The following AUTS2 variants were observed in gnomAD, a reference collection of about 807,000 sequenced individuals.
The protein encoded by AUTS2 is activator of transcription and developmental regulator AUTS2, also known as autism susceptibility gene 2 protein.
Under a neutral mutation model 112.4 loss-of-function variants are expected in AUTS2, and 17 were observed. That is an observed-to-expected ratio of 0.15 (90% CI 0.10 to 0.23). The LOEUF (loss-of-function observed/expected upper bound fraction) is 0.23. AUTS2 is among the 10% of genes least tolerant of loss of function. The probability of loss-of-function intolerance (pLI) is 1.00; values close to 1 mark genes in which losing one functional copy is unlikely to be tolerated. For synonymous variants in AUTS2, 751 were observed against 702.7 expected, an observed-to-expected ratio of 1.07 and a Z score of -1.09; for missense variants, 1,510 against 1,701.6, an observed-to-expected ratio of 0.89 and a Z score of 1.98.
intron 6 of AUTS2, among the ~76,000 whole-genome samples, chr7:70,762,320 A>G (rs1789612710): frequency 6.6e-6 from 1 of 152,154 alleles, no homozygotes; most frequent in East Asian, 1.9e-4. Context: ...TTTCTCATAC[A>G]GAGACAGAGT....
At chr7:70,624,936 G>T (rs968774200) in intron 5 of AUTS2, among the ~76,000 whole-genome samples, 1 of 152,112 alleles carries the variant, frequency 6.6e-6, no homozygotes, top group African/African-American at 2.4e-5. Flanking sequence ...ATTTTGTCCA[G>T]CAGGGAGGCG....
Position 70,515,805 on chromosome 7 carries a change from T to C in AUTS2, c.690+80024T>C, listed in dbSNP as rs2129493782. On this transcript the variant is annotated intron_variant, in intron 5 of 18. Transcript: ENST00000342771. ...ATGCAAATTGGTCTAGGTTACATTTTGAAAAATGTTAAGAGGAAACTGTTA... is the reference window on the plus strand; with the variant it reads ...ATGCAAATTGGTCTAGGTTACATTTCGAAAAATGTTAAGAGGAAACTGTTA... Among the ~76,000 whole-genome samples the C allele has an allele frequency of 2.6e-5, 4 of 152,330 alleles. 1 individual carries two copies. The Middle Eastern group carries it at 0.01, about 389-fold the overall frequency.
chr7:70,693,898 C>T (rs1360470683), intron 5 of AUTS2, among the ~76,000 whole-genome samples: 1 of 152,140 alleles, frequency 6.6e-6, no homozygotes, highest in South Asian at 2.1e-4. Flanking sequence ...CAACAGCTGT[C>T]GATGTCGCGC....
At chr7:70,472,465 C>T (rs1797428402) in intron 5 of AUTS2, among the ~76,000 whole-genome samples, 1 of 150,996 alleles carries the variant, frequency 6.6e-6, no homozygotes. Context: ...TACCCAGTTG[C>T]TGGGTAAAGG....
intron 2 of AUTS2, among the ~76,000 whole-genome samples, chr7:69,952,005 A>G (rs183891073): frequency 1.8e-4 from 28 of 152,298 alleles, no homozygotes; most frequent in Admixed American, 5.9e-4. Context: ...TACTCGATTT[A>G]CCTAAAGAGA....
chr7:70,729,121 C>A (rs1368350015), intron 6 of AUTS2: 11 of 455,772 alleles, frequency 2.4e-5, no homozygotes, highest in Admixed American at 2.1e-4. Context: ...GCGAAAACGA[C>A]GGCCACACCC....
At chr7:69,930,559 C>T (rs886687885) in intron 2 of AUTS2, among the ~76,000 whole-genome samples, 1 of 152,110 alleles carries the variant, frequency 6.6e-6, no homozygotes, top group Admixed American at 6.5e-5. Context: ...AACCATTGTT[C>T]ATATATTTTT....
chr7:70,617,318 A>G (rs1231296293), intron 5 of AUTS2, among the ~76,000 whole-genome samples: 1 of 152,176 alleles, frequency 6.6e-6, no homozygotes, highest in Non-Finnish European at 1.5e-5. Context: ...GTGGAGTCCA[A>G]CGGTTAGTGG....
intron 1 of AUTS2, among the ~76,000 whole-genome samples, chr7:69,850,660 A>G (rs1792437513): frequency 6.6e-6 from 1 of 152,130 alleles, no homozygotes; most frequent in Non-Finnish European, 1.5e-5. Context: ...CTTTGATGAA[A>G]TGTCTGTTCA....
intron 6 of AUTS2, among the ~76,000 whole-genome samples, chr7:70,730,953 A>G (rs183624548): frequency 5.3e-4 from 80 of 152,294 alleles, no homozygotes; most frequent in African/African-American, 1.8e-3. Flanking sequence ...GTGTGAAGTA[A>G]TATTTGATTG....
At chr7:70,377,348 A>T (rs1585075826) in intron 4 of AUTS2, among the ~76,000 whole-genome samples, 1 of 111,248 alleles carries the variant, frequency 9.0e-6, no homozygotes, top group Non-Finnish European at 1.9e-5. Flanking sequence ...ATATATATAT[A>T]TATATATATA....
intron 4 of AUTS2, among the ~76,000 whole-genome samples, chr7:70,265,108 A>C (rs1787353909): frequency 6.6e-6 from 1 of 152,222 alleles, no homozygotes; most frequent in Admixed American, 6.5e-5. Context: ...TATTGCTTTA[A>C]TCTGAGAAAA....
chr7:70,764,146 G>C (rs894578594), intron 7 of AUTS2, among the ~76,000 whole-genome samples: 1 of 152,056 alleles, frequency 6.6e-6, no homozygotes, highest in African/African-American at 2.4e-5. Flanking sequence ...TGGTGGTTCC[G>C]GGCCTTGCTT....
intron 4 of AUTS2, among the ~76,000 whole-genome samples, chr7:70,329,981 G>A (rs1790667139): frequency 6.6e-6 from 1 of 152,104 alleles, no homozygotes; most frequent in Non-Finnish European, 1.5e-5. Context: ...GCCAAACTCT[G>A]TGTGAAGCCT....
intron 5 of AUTS2, among the ~76,000 whole-genome samples, chr7:70,570,089 C>T (rs1801874003): frequency 6.6e-6 from 1 of 152,160 alleles, no homozygotes; most frequent in African/African-American, 2.4e-5. Context: ...TTAATCAGAA[C>T]GTGTCTGGAA....
chr7:69,760,503 A>G (rs993399221), intron 1 of AUTS2, among the ~76,000 whole-genome samples: 1 of 152,104 alleles, frequency 6.6e-6, no homozygotes, highest in African/African-American at 2.4e-5. Flanking sequence ...TAAATCCTAC[A>G]TACAAAGAGC....
At chr7:70,639,600 G>C (rs955075430) in intron 5 of AUTS2, among the ~76,000 whole-genome samples, 7 of 122,610 alleles carry the variant, frequency 5.7e-5, no homozygotes, top group Non-Finnish European at 9.7e-5. Context: ...CTGGGTGATA[G>C]AGCGAGACCC....
At chr7:70,124,125 A>G (rs1805835830) in intron 3 of AUTS2, among the ~76,000 whole-genome samples, 1 of 151,938 alleles carries the variant, frequency 6.6e-6, no homozygotes, top group Non-Finnish European at 1.5e-5. Context: ...CTTTTTTTGT[A>G]TAGGCTTGTT....
intron 4 of AUTS2, among the ~76,000 whole-genome samples, chr7:70,276,118 T>C (rs1787916313): frequency 6.6e-6 from 1 of 152,212 alleles, no homozygotes; most frequent in Non-Finnish European, 1.5e-5. Context: ...CCCTTTCTTA[T>C]TTCAGTTTTC....
Sources: allele counts gnomAD v4.1 joint callset (sites outside exome capture counted in the v4.1 genomes callset), GRCh38; gene constraint gnomAD v4.1.1; transcripts MANE v1.5; gene names NCBI Gene and HGNC (gene_info 2026-07-23, HGNC 2026-07-21).